The following ZFHX3 variants were observed in gnomAD, a reference collection of about 807,000 sequenced individuals.
ZFHX3 encodes zinc finger homeobox 3, also known as zinc finger homeobox protein 3.
ZFHX3 carries 42 observed loss-of-function variants against 279.1 expected under a neutral mutation model. That is an observed-to-expected ratio of 0.15 (90% CI 0.12 to 0.19). ZFHX3 has a LOEUF of 0.19. Ranked by LOEUF, ZFHX3 falls within the 10% of genes least tolerant of loss-of-function variation. The pLI, the probability that ZFHX3 is intolerant of heterozygous loss-of-function variation, is 1.00. For missense variants in ZFHX3, 4,981 were observed against 4,754.0 expected (o/e 1.05, Z -1.40); for synonymous variants, 2,293 against 1,957.8 (o/e 1.17, Z -4.52).
chr16:73,876,478 C>T (rs2029950595), intron 1 of ZFHX3, among the ~76,000 whole-genome samples: 1 of 152,130 alleles, frequency 6.6e-6, no homozygotes, highest in Non-Finnish European at 1.5e-5. Flanking sequence ...TGATAAGATC[C>T]ACATATGGGG....
Position 73,315,596 on chromosome 16 carries a change from G to T in ZFHX3, c.-1194+2644C>A, listed in dbSNP as rs554927285. The stretch of plus-strand genomic sequence containing the variant: ...TGCACAAAAACATGCCATGGGACCA[G>T]GTATTGAAAAAAAAAGACATTGAAA... On this transcript the variant is annotated intron_variant, in intron 4 of 17. Transcript: ENST00000641206. Among the ~76,000 whole-genome samples the T allele has an allele frequency of 2.2e-4, 33 of 151,788 alleles. No individual in the cohort carries two copies. In the South Asian group the frequency reaches 6.5e-3, roughly 30 times the overall value.
At chr16:73,417,988 C>CAAAAAAAAAAAA (rs71156161) in intron 3 of ZFHX3, among the ~76,000 whole-genome samples, 2 of 57,854 alleles carry the variant, frequency 3.5e-5, no homozygotes, top group Non-Finnish European at 5.6e-5. Context: ...GACTCCATCT[C>CAAAAAAAAAAAA]AAAAAAAAAA....
intron 5 of ZFHX3, among the ~76,000 whole-genome samples, chr16:72,829,005 T>A (rs1157096225): frequency 6.6e-6 from 1 of 151,362 alleles, no homozygotes; most frequent in East Asian, 1.9e-4. Context: ...ATCTTTTTTT[T>A]TTTTCCCCGA....
At chr16:73,230,409 A>G (rs1226865580) in intron 5 of ZFHX3, among the ~76,000 whole-genome samples, 1 of 152,196 alleles carries the variant, frequency 6.6e-6, no homozygotes, top group Non-Finnish European at 1.5e-5. Context: ...AAGAGCCCTG[A>G]AGTTTCATAA....
chr16:73,640,255 A>G (rs922623419), intron 2 of ZFHX3, among the ~76,000 whole-genome samples: 2 of 152,174 alleles, frequency 1.3e-5, no homozygotes, highest in Non-Finnish European at 2.9e-5. Flanking sequence ...ATCCAAAAAG[A>G]GAATTATCAC....
At chr16:73,435,287 C>T (rs908911360) in intron 3 of ZFHX3, among the ~76,000 whole-genome samples, 12 of 152,240 alleles carry the variant, frequency 7.9e-5, no homozygotes, top group Non-Finnish European at 1.3e-4. Flanking sequence ...CGGCTCACTG[C>T]AACCTCCACC....
intron 4 of ZFHX3, among the ~76,000 whole-genome samples, chr16:72,843,676 C>CGTG (rs1232122173): frequency 6.6e-6 from 1 of 152,106 alleles, no homozygotes; most frequent in African/African-American, 2.4e-5. Flanking sequence ...GCGGTGCAGC[C>CGTG]TCACACCCTG....
chr16:73,182,937 G>T (rs932028833), intron 5 of ZFHX3, among the ~76,000 whole-genome samples: 41 of 152,202 alleles, frequency 2.7e-4, no homozygotes, highest in Non-Finnish European at 2.1e-4. Context: ...GGGCGTGGTG[G>T]CTCACGCCTG....
intron 3 of ZFHX3, among the ~76,000 whole-genome samples, chr16:73,393,693 C>T (rs1002516544): frequency 3.3e-5 from 5 of 152,188 alleles, no homozygotes; most frequent in South Asian, 4.1e-4. Context: ...ATCTCCAAAA[C>T]GAGAGGACAA....
At chr16:73,133,678 T>C (rs1966737605) in intron 6 of ZFHX3, among the ~76,000 whole-genome samples, 1 of 152,192 alleles carries the variant, frequency 6.6e-6, no homozygotes, top group Non-Finnish European at 1.5e-5. Flanking sequence ...TGCAGAATTA[T>C]GAGAAAATAA....
At position 73,166,860 on chromosome 16, in the gene ZFHX3, G is replaced by A. The variant is rs190797491; in HGVS notation, c.-1103-23029C>T. Among the ~76,000 whole-genome samples the A allele has an allele frequency of 9.9e-5, 15 of 152,220 alleles. No homozygotes were observed. In the East Asian group the frequency reaches 2.7e-3, roughly 27 times the overall value. On this transcript the variant is annotated intron_variant, in intron 5 of 17. Transcript: ENST00000641206. ...AGTCACCTGAGGACCCTCCAGACAG[G>A]GAAAATCTTGATGAGATAAAAGTGC...
intron 3 of ZFHX3, among the ~76,000 whole-genome samples, chr16:72,909,114 G>C (rs992877477): frequency 6.6e-6 from 1 of 152,178 alleles, no homozygotes. Context: ...AGAGCCTACC[G>C]AGCTGACAAC....
intron 1 of ZFHX3, among the ~76,000 whole-genome samples, chr16:73,794,560 A>G (rs893904075): frequency 5.3e-5 from 8 of 152,134 alleles, no homozygotes; most frequent in African/African-American, 1.7e-4. Context: ...CTTTATAACC[A>G]TGAGGCGATC....
chr16:72,877,116 T>G (rs1048472559), intron 4 of ZFHX3, among the ~76,000 whole-genome samples: 5 of 152,080 alleles, frequency 3.3e-5, no homozygotes, highest in African/African-American at 1.2e-4. Flanking sequence ...AACAGCCCGG[T>G]ATGGCACAAA....
chr16:73,597,453 C>T (rs2143854494), intron 2 of ZFHX3, among the ~76,000 whole-genome samples: 1 of 152,254 alleles, frequency 6.6e-6, no homozygotes, highest in Non-Finnish European at 1.5e-5. Context: ...AAATTCGTGT[C>T]CACCCAGCCC....
At chr16:72,832,107 C>G (rs985389512) in intron 4 of ZFHX3, among the ~76,000 whole-genome samples, 2 of 152,158 alleles carry the variant, frequency 1.3e-5, no homozygotes, top group Non-Finnish European at 2.9e-5. Context: ...TGTGCAGTGT[C>G]TGAAGGTGCT....
chr16:73,574,350 C>CCA (rs1216533336), intron 2 of ZFHX3, among the ~76,000 whole-genome samples: 2 of 152,066 alleles, frequency 1.3e-5, no homozygotes, highest in African/African-American at 4.8e-5. Flanking sequence ...CTTGGGCCCC[C>CCA]CCCAGCATCC....
At chr16:73,668,698 A>G (rs1483795021) in intron 2 of ZFHX3, among the ~76,000 whole-genome samples, 1 of 151,996 alleles carries the variant, frequency 6.6e-6, no homozygotes, top group East Asian at 1.9e-4. Flanking sequence ...AGCATCTACA[A>G]AGAACTTAAA....
chr16:73,562,223 A>C (rs2020379843), intron 2 of ZFHX3, among the ~76,000 whole-genome samples: 1 of 152,182 alleles, frequency 6.6e-6, no homozygotes, highest in South Asian at 2.1e-4. Context: ...CAAAGTCGTC[A>C]CTAAAATGTT....
Sources: allele counts gnomAD v4.1 joint callset (sites outside exome capture counted in the v4.1 genomes callset), GRCh38; gene constraint gnomAD v4.1.1; transcripts MANE v1.5; gene names NCBI Gene and HGNC (gene_info 2026-07-23, HGNC 2026-07-21).